Variants in NLGN1 observed in about 807,000 individuals in gnomAD.
NLGN1 encodes neuroligin-1.
In NLGN1, 12 loss-of-function variants were observed where a neutral mutation model predicts 65.5. The ratio of observed to expected loss-of-function variants is 0.18; its 90% CI spans 0.12 to 0.30. The LOEUF (loss-of-function observed/expected upper bound fraction) is 0.30, where lower values mean the gene tolerates loss of function less well. Among genes scored for constraint, NLGN1 ranks in the 10% least tolerant of loss-of-function variants. The pLI is 1.00. For synonymous variants in NLGN1, 350 were observed against 359.5 expected, an observed-to-expected ratio of 0.97 and a Z score of 0.30; for missense variants, 750 against 1,007.1, an observed-to-expected ratio of 0.74 and a Z score of 3.46.
intron 4 of NLGN1, among the ~76,000 whole-genome samples, chr3:173,856,780 T>C (rs1296083107): frequency 6.6e-6 from 1 of 151,890 alleles, no homozygotes; most frequent in Non-Finnish European, 1.5e-5. Context: ...GAGAGAAAAG[T>C]GAACAGCACA....
chr3:173,762,628 T>C (rs927036977), intron 3 of NLGN1, among the ~76,000 whole-genome samples: 1 of 152,074 alleles, frequency 6.6e-6, no homozygotes, highest in Non-Finnish European at 1.5e-5. Context: ...TCTCTAGTTA[T>C]GGTATACATT....
intron 3 of NLGN1, among the ~76,000 whole-genome samples, chr3:173,753,233 T>A (rs1403115158): frequency 6.6e-6 from 1 of 152,174 alleles, no homozygotes; most frequent in African/African-American, 2.4e-5. Context: ...AGATCTCTGC[T>A]GCAGGCATCT....
chr3:173,834,783 A>G (rs1439631275), intron 4 of NLGN1, among the ~76,000 whole-genome samples: 2 of 152,186 alleles, frequency 1.3e-5, no homozygotes, highest in African/African-American at 4.8e-5. Flanking sequence ...TTTAAGTCTC[A>G]TGCTGTCCCT....
intron 4 of NLGN1, among the ~76,000 whole-genome samples, chr3:174,270,907 A>G (rs1391221435): frequency 1.3e-5 from 2 of 151,712 alleles, no homozygotes; most frequent in African/African-American, 2.4e-5. Flanking sequence ...TTAATGAGCT[A>G]TTTTTCCGAT....
At chr3:174,273,039 A>G (rs1303984442) in intron 4 of NLGN1, among the ~76,000 whole-genome samples, 3 of 151,560 alleles carry the variant, frequency 2.0e-5, no homozygotes, top group African/African-American at 7.3e-5. Context: ...ATATAAACAC[A>G]AAGCTATTTG....
chr3:173,432,458 T>C (rs750810716), intron 1 of NLGN1, among the ~76,000 whole-genome samples: 2 of 152,164 alleles, frequency 1.3e-5, no homozygotes, highest in Non-Finnish European at 2.9e-5. Flanking sequence ...GTGTTTTAAG[T>C]TGCATTTCTC....
At chr3:173,455,878 C>T (rs572193566) in intron 2 of NLGN1, among the ~76,000 whole-genome samples, 1 of 152,072 alleles carries the variant, frequency 6.6e-6, no homozygotes, top group African/African-American at 2.4e-5. Context: ...CAGTGTAGTT[C>T]GAAGGCCTGA....
At chr3:174,005,418 G>A (rs1229179234) in intron 4 of NLGN1, among the ~76,000 whole-genome samples, 1 of 152,080 alleles carries the variant, frequency 6.6e-6, no homozygotes, top group East Asian at 1.9e-4. Flanking sequence ...CATGTAGTAG[G>A]TGTTCAATAA....
intron 3 of NLGN1, among the ~76,000 whole-genome samples, chr3:173,715,639 G>GTAT (rs1451839386): frequency 6.6e-6 from 1 of 152,086 alleles, no homozygotes; most frequent in African/African-American, 2.4e-5. Flanking sequence ...ATTGAATGGT[G>GTAT]TATAGAACTT....
chr3:173,639,479 G>A (rs1432736118), intron 3 of NLGN1, among the ~76,000 whole-genome samples: 1 of 152,208 alleles, frequency 6.6e-6, no homozygotes, highest in East Asian at 1.9e-4. Context: ...TAGGGATAAG[G>A]TTGGCATCCA....
At chr3:173,955,698 C>T (rs1286135377) in intron 4 of NLGN1, among the ~76,000 whole-genome samples, 1 of 152,062 alleles carries the variant, frequency 6.6e-6, no homozygotes, top group Admixed American at 6.5e-5. Context: ...ACTTAAACTT[C>T]AGATAAAAAT....
At chr3:173,519,530 G>C (rs1396120737) in intron 2 of NLGN1, among the ~76,000 whole-genome samples, 1 of 152,258 alleles carries the variant, frequency 6.6e-6, no homozygotes, top group African/African-American at 2.4e-5. Context: ...GTGTGCCCTG[G>C]ATGTGGGACA....
chr3:173,671,682 A>G (rs1352126373), intron 3 of NLGN1, among the ~76,000 whole-genome samples: 1 of 152,180 alleles, frequency 6.6e-6, no homozygotes, highest in Non-Finnish European at 1.5e-5. Context: ...AACAAGCTAG[A>G]TAGGAAATCA....
intron 2 of NLGN1, among the ~76,000 whole-genome samples, chr3:173,591,592 A>C (rs1748494233): frequency 6.6e-6 from 1 of 152,184 alleles, no homozygotes; most frequent in Non-Finnish European, 1.5e-5. Context: ...ATCATCCTCC[A>C]AGGGGTCAAG....
At chr3:174,165,202 T>C (rs999241769) in intron 4 of NLGN1, among the ~76,000 whole-genome samples, 1 of 151,916 alleles carries the variant, frequency 6.6e-6, no homozygotes, top group Admixed American at 6.6e-5. Context: ...CTTTCTCTTG[T>C]CTGATTCCTC....
At chr3:174,086,131 A>G (rs545575501) in intron 4 of NLGN1, among the ~76,000 whole-genome samples, 8 of 151,532 alleles carry the variant, frequency 5.3e-5, no homozygotes, top group Admixed American at 2.0e-4. Context: ...CCAACTTTCT[A>G]CAGTAATGAC....
intron 4 of NLGN1, among the ~76,000 whole-genome samples, chr3:174,221,396 C>A (rs1004727023): frequency 6.6e-6 from 1 of 152,154 alleles, no homozygotes; most frequent in East Asian, 1.9e-4. Flanking sequence ...TTACAGCAGT[C>A]ATTTTTCTAT....
At chr3:174,086,213 G>GCACA (rs1743214772) in intron 4 of NLGN1, among the ~76,000 whole-genome samples, 1 of 3,298 alleles carries the variant, frequency 3.0e-4, no homozygotes, top group Non-Finnish European at 5.8e-4. Flanking sequence ...GTGCGTGTGT[G>GCACA]TGTATATTTA....
intron 4 of NLGN1, among the ~76,000 whole-genome samples, chr3:174,139,199 A>C (rs542997528): frequency 1.3e-5 from 2 of 152,078 alleles, no homozygotes; most frequent in Non-Finnish European, 2.9e-5. Flanking sequence ...ATATATATTG[A>C]CATATGTACA....
Sources: allele counts gnomAD v4.1 joint callset (sites outside exome capture counted in the v4.1 genomes callset), GRCh38; gene constraint gnomAD v4.1.1; transcripts MANE v1.5; gene names NCBI Gene and HGNC (gene_info 2026-07-23, HGNC 2026-07-21).